Variants in NRG1 observed in about 807,000 individuals in gnomAD.
NRG1 encodes the protein pro-neuregulin-1, membrane-bound isoform.
In NRG1, 18 loss-of-function variants were observed where a neutral mutation model predicts 63.8. The observed-to-expected ratio is 0.28, with a 90% CI of 0.19 to 0.42. The LOEUF (loss-of-function observed/expected upper bound fraction) is 0.42, where lower values mean the gene tolerates loss of function less well. Ranked by LOEUF, NRG1 falls within the 10% of genes least tolerant of loss-of-function variation. The pLI is 1.00. For synonymous variants in NRG1, 302 were observed against 301.3 expected (o/e 1.00, Z -0.02); for missense variants, 762 against 814.7 (o/e 0.94, Z 0.79).
At chr8:31,770,794 T>TATAC (rs1554526901) in intron 1 of NRG1, among the ~76,000 whole-genome samples, 54 of 129,096 alleles carry the variant, frequency 4.2e-4, no homozygotes, top group African/African-American at 1.2e-3. Flanking sequence ...TATATATATA[T>TATAC]ATACATATAT....
intron 1 of NRG1, among the ~76,000 whole-genome samples, chr8:32,410,247 C>T (rs1408617082): frequency 7.6e-6 from 1 of 132,216 alleles, no homozygotes; most frequent in African/African-American, 2.8e-5. Flanking sequence ...GTGGCATCAT[C>T]ATATCTCACT....
At chr8:32,481,427 G>A (rs2347490) in intron 1 of NRG1, among the ~76,000 whole-genome samples, 94,514 of 151,818 alleles carry the variant, frequency 0.62, 29,637 homozygotes, top group East Asian at 0.79. Context: ...CATAGTTGAA[G>A]TTGACATTAA....
intron 1 of NRG1, among the ~76,000 whole-genome samples, chr8:32,488,592 A>G (rs748935647): frequency 1.1e-4 from 16 of 151,410 alleles, no homozygotes; most frequent in Middle Eastern, 3.4e-3. Context: ...CTTGGGCAAC[A>G]TGGCAAAACC....
chr8:31,668,236 G>A (rs1806751372), intron 1 of NRG1, among the ~76,000 whole-genome samples: 1 of 152,176 alleles, frequency 6.6e-6, no homozygotes, highest in Non-Finnish European at 1.5e-5. Flanking sequence ...TGGATCATTG[G>A]TTTAGATAGA....
Position 32,340,706 on chromosome 8 carries a change from A to G in NRG1, c.38-255122A>G, listed in dbSNP as rs541056382. 3.9e-5 allele frequency among the ~76,000 whole-genome samples: 6 copies of G among 152,292 alleles called. No homozygotes were observed. The East Asian group carries it at 1.2e-3, about 29-fold the overall frequency. Reference sequence around the variant, plus strand: ...AATGAGGGACTCTGAAAAACTCAAGAACTTTCAAGGTCACTCACAGAATAC... The same window carrying G: ...AATGAGGGACTCTGAAAAACTCAAGGACTTTCAAGGTCACTCACAGAATAC... On this transcript the variant is annotated intron_variant, in intron 1 of 10. Transcript: ENST00000519301.
chr8:32,429,575 A>T (rs547106703), intron 1 of NRG1, among the ~76,000 whole-genome samples: 3 of 152,366 alleles, frequency 2.0e-5, no homozygotes, highest in African/African-American at 7.2e-5. Flanking sequence ...TAATAATTCA[A>T]GAAGAAATAA....
intron 1 of NRG1, among the ~76,000 whole-genome samples, chr8:31,752,115 C>T (rs1416945692): frequency 6.6e-6 from 1 of 151,880 alleles, no homozygotes; most frequent in Non-Finnish European, 1.5e-5. Context: ...TTAGCCACAT[C>T]CAGGAGAATG....
intron 1 of NRG1, among the ~76,000 whole-genome samples, chr8:32,274,020 A>G (rs1263893910): frequency 6.6e-6 from 1 of 152,204 alleles, no homozygotes; most frequent in Non-Finnish European, 1.5e-5. Context: ...CATTCCTTAT[A>G]ATGGAACACC....
At chr8:32,079,256 A>G (rs1002561094) in intron 1 of NRG1, among the ~76,000 whole-genome samples, 10 of 152,002 alleles carry the variant, frequency 6.6e-5, no homozygotes, top group Non-Finnish European at 1.3e-4. Flanking sequence ...ATTTGTGGTT[A>G]GTACTACATT....
intron 1 of NRG1, among the ~76,000 whole-genome samples, chr8:31,670,304 C>T (rs1270881610): frequency 6.6e-6 from 1 of 152,128 alleles, no homozygotes; most frequent in Non-Finnish European, 1.5e-5. Flanking sequence ...TTGTTTTGTT[C>T]ACTGGCCCCT....
intron 1 of NRG1, among the ~76,000 whole-genome samples, chr8:31,730,199 T>G (rs1397218776): frequency 6.6e-6 from 1 of 152,176 alleles, no homozygotes; most frequent in East Asian, 1.9e-4. Flanking sequence ...CCTCAATAAT[T>G]ATTTCTGTAA....
chr8:32,079,779 A>G (rs1261889087), intron 1 of NRG1, among the ~76,000 whole-genome samples: 1 of 152,162 alleles, frequency 6.6e-6, no homozygotes, highest in Non-Finnish European at 1.5e-5. Context: ...CTTCCCACAC[A>G]AGACAAGGTG....
chr8:31,937,559 A>G (rs187460183), intron 1 of NRG1, among the ~76,000 whole-genome samples: 1 of 152,170 alleles, frequency 6.6e-6, no homozygotes. Context: ...ACTCCCTGAG[A>G]TGTCGAAAAA....
intron 5 of NRG1, among the ~76,000 whole-genome samples, chr8:32,670,410 G>A (rs887935312): frequency 6.6e-6 from 1 of 152,002 alleles, no homozygotes; most frequent in African/African-American, 2.4e-5. Flanking sequence ...GAGTTTTCCA[G>A]GCCTCTCTTC....
At chr8:32,631,597 G>T (rs989519960) in intron 5 of NRG1, among the ~76,000 whole-genome samples, 4 of 152,196 alleles carry the variant, frequency 2.6e-5, no homozygotes, top group Non-Finnish European at 4.4e-5. Flanking sequence ...ATGAACAGTT[G>T]TGGAAATAGT....
At chr8:31,803,701 CT>C (rs1332955135) in intron 1 of NRG1, among the ~76,000 whole-genome samples, 1 of 152,162 alleles carries the variant, frequency 6.6e-6, no homozygotes, top group Non-Finnish European at 1.5e-5. Context: ...CATTATTCTC[CT>C]TTACTTAAAA....
intron 1 of NRG1, among the ~76,000 whole-genome samples, chr8:32,168,362 G>A (rs11992324): frequency 0.038 from 5,820 of 152,234 alleles, 201 homozygotes; most frequent in African/African-American, 0.088. Context: ...TTGCTGCCTG[G>A]TGCCTGTGTT....
intron 1 of NRG1, among the ~76,000 whole-genome samples, chr8:32,234,738 A>G (rs1847352334): frequency 6.6e-6 from 1 of 152,148 alleles, no homozygotes; most frequent in African/African-American, 2.4e-5. Flanking sequence ...TGTGAAATAA[A>G]CAGGTTGGAG....
chr8:32,204,672 C>G (rs1843836772), intron 1 of NRG1, among the ~76,000 whole-genome samples: 1 of 152,172 alleles, frequency 6.6e-6, no homozygotes, highest in Admixed American at 6.6e-5. Context: ...AAAATGTTAA[C>G]TGTAGCCTCA....
Sources: gnomAD v4.1 joint callset for allele counts (sites outside exome capture counted in the v4.1 genomes callset) on GRCh38, gnomAD v4.1.1 for gene constraint, MANE v1.5 for transcripts, NCBI Gene and HGNC (gene_info 2026-07-23, HGNC 2026-07-21) for gene names.